GLYATL3: variants seen among roughly 807,000 people sequenced by gnomAD.
GLYATL3 encodes glycine-N-acyltransferase like 3, also known as glycine N-acyltransferase-like protein 3.
In GLYATL3, 31 loss-of-function variants were observed where a neutral mutation model predicts 28.5. The observed-to-expected ratio is 1.09, with a 90% CI of 0.82 to 1.47. The LOEUF (loss-of-function observed/expected upper bound fraction) is 1.47, where lower values mean the gene tolerates loss of function less well. Ranked by LOEUF, GLYATL3 falls within the 40% of genes most tolerant of loss-of-function variation. The probability of loss-of-function intolerance (pLI) is 0.00; values close to 1 mark genes in which losing one functional copy is unlikely to be tolerated. For synonymous variants in GLYATL3, 141 were observed against 140.2 expected, an observed-to-expected ratio of 1.01 and a Z score of -0.04; for missense variants, 369 against 351.5, an observed-to-expected ratio of 1.05 and a Z score of -0.40.
intron 1 of GLYATL3, among the ~76,000 whole-genome samples, chr6:49,502,756 A>G (rs973744822): frequency 3.3e-5 from 5 of 152,346 alleles, no homozygotes; most frequent in African/African-American, 9.6e-5. Context: ...AACAGCAATC[A>G]AACCATTATT....
At chr6:49,515,120 T>TTTTG (rs528571843) in intron 2 of GLYATL3, among the ~76,000 whole-genome samples, 2 of 151,998 alleles carry the variant, frequency 1.3e-5, no homozygotes, top group African/African-American at 2.4e-5. Flanking sequence ...AAAGTACAGT[T>TTTTG]TTTGTTTGTT....
At chr6:49,503,874 G>C (rs551014717) in intron 1 of GLYATL3, among the ~76,000 whole-genome samples, 7 of 152,262 alleles carry the variant, frequency 4.6e-5, no homozygotes, top group Admixed American at 3.3e-4. Flanking sequence ...GTGGGTCCCA[G>C]GCACAAAGGT....
At chr6:49,502,840 T>C (rs1768938583) in intron 1 of GLYATL3, among the ~76,000 whole-genome samples, 1 of 152,150 alleles carries the variant, frequency 6.6e-6, no homozygotes, top group Non-Finnish European at 1.5e-5. Flanking sequence ...ATAACATGGA[T>C]AGAAGGGGAA....
intron 1 of GLYATL3, among the ~76,000 whole-genome samples, chr6:49,502,359 A>G (rs1056444910): frequency 6.6e-6 from 1 of 152,214 alleles, no homozygotes; most frequent in Non-Finnish European, 1.5e-5. Context: ...CACTGGGTAA[A>G]GCAGTTAAGT....
chr6:49,519,645 T>C (rs1178182562), intron 4 of GLYATL3, among the ~76,000 whole-genome samples: 1 of 152,204 alleles, frequency 6.6e-6, no homozygotes, highest in Non-Finnish European at 1.5e-5. Context: ...TCACAGATAC[T>C]AGTTTGGCTA....
rs1769443353 is a variant in GLYATL3, at chr6:49,527,494, G to A, written c.*580G>A. ...TGCCCTGGGAATGTTCAAATATAGT[G>A]GTTCTTACATTTTAGTGTTTATCAG... On this transcript the variant is annotated 3_prime_UTR_variant, in exon 6 of 6. Coordinates refer to ENST00000371197, the MANE Select transcript of GLYATL3 (RefSeq NM_001010904.2). Among the ~76,000 whole-genome samples, 1 of 152,116 alleles carries A rather than the reference G, an allele frequency of 6.6e-6. No individual in the cohort carries two copies. The highest frequency in any genetic ancestry group is 2.4e-5 in the African/African-American group (1 of 41,420).
chr6:49,512,055 C>G lies in GLYATL3; in HGVS notation c.65C>G (p.Pro22Arg). Residue 22 changes from proline to arginine, a missense_variant, in exon 2 of 6, where the codon CCT becomes CGT. Transcript: ENST00000371197. ...ILEKMLKSCF[P>R]ESLKVYGAVM... ...GAGAAAATGTTGAAGAGTTGCTTTC[C>G]TGAATCACTCAAGGTACCATAAAAT... 1 of 1,350,314 alleles carries G rather than the reference C, an allele frequency of 7.4e-7. No homozygotes were observed. Among genetic ancestry groups the G allele is most frequent in the Non-Finnish European group, 1.0e-6 (1 of 965,268 alleles). The allele number at this position is 1,350,314 out of a possible 1,614,324, so 83.6% of individuals were successfully genotyped here.
rs1417095949 is a variant in GLYATL3 at position 49,515,759 on chromosome 6, AG to A, written c.186+1del. On this transcript the variant is annotated frameshift_variant and splice_region_variant, in exon 3 of 6. Transcript: ENST00000371197. LOFTEE classifies it high-confidence loss of function. The stretch of plus-strand genomic sequence containing the variant: ...GCTGTTATCACCCGACGACAAAGAG[AG>A]GTACAGTTTTGAAAGGTAAAAAGTT... ...FKAVITRRQR[E>X]AETDNLDHYT... is the part of the protein sequence containing the mutation. The A allele has an allele frequency of 3.3e-6, 5 of 1,523,478 alleles. No homozygotes were observed. The Admixed American group carries it at 5.9e-5, about 18-fold the overall frequency. The allele number at this position is 1,523,478 out of a possible 1,614,324, so 94.4% of individuals were successfully genotyped here. A position where few individuals can be genotyped will look rare whatever the true frequency, so the allele number is the denominator to read the frequency against.
chr6:49,503,174 G>C (rs192120165), intron 1 of GLYATL3, among the ~76,000 whole-genome samples: 144 of 150,248 alleles, frequency 9.6e-4, no homozygotes, highest in African/African-American at 3.4e-3. Context: ...AGCAAAGGGG[G>C]GGATATAAGT....
intron 5 of GLYATL3, among the ~76,000 whole-genome samples, chr6:49,525,458 T>C (rs1007295368): frequency 1.4e-5 from 2 of 146,926 alleles, no homozygotes; most frequent in African/African-American, 5.1e-5. Context: ...CACACGCACG[T>C]GAGGCTGAGA....
In GLYATL3 at chr6:49,527,099, T is replaced by G. The variant is rs994877720; in HGVS notation, c.*185T>G. 3.6e-6 allele frequency: 2 copies of G among 555,780 alleles called. No homozygotes were observed. Among genetic ancestry groups the G allele is most frequent in the Non-Finnish European group, 6.3e-6 (2 of 316,172 alleles). 34.4% of individuals were successfully genotyped at this position (555,780 alleles called of 1,614,324 possible). On this transcript the variant is annotated 3_prime_UTR_variant, in exon 6 of 6. Coordinates refer to ENST00000371197, the MANE Select transcript of GLYATL3 (RefSeq NM_001010904.2). The stretch of plus-strand genomic sequence containing the variant: ...TCGTATCTCAGGTTTCTCCAGTAAA[T>G]AGCTGTGGGGGTGAAGAGTAGCTGT...
In GLYATL3 at chr6:49,512,020, A is replaced by T; in HGVS notation, c.30A>T (p.Leu10Phe). 1 of 1,505,956 alleles carries T rather than the reference A, an allele frequency of 6.6e-7. No individual in the cohort carries two copies. The allele number at this position is 1,505,956 out of a possible 1,614,324, so 93.3% of individuals were successfully genotyped here. A position where few individuals can be genotyped will look rare whatever the true frequency, so the allele number is the denominator to read the frequency against. The change falls in exon 2 of 6, where the codon TTA becomes TTT. Residue 10 changes from leucine (L) to phenylalanine (F), a missense_variant. By Grantham distance (22) the Leu-to-Phe change is conservative. Coordinates refer to ENST00000371197, the MANE Select transcript of GLYATL3 (RefSeq NM_001010904.2). MLVLNCSTK[L>F]LILEKMLKSC... ...TGGTGCTAAACTGTTCTACCAAATT[A>T]CTGATACTGGAGAAAATGTTGAAGA...
intron 1 of GLYATL3, among the ~76,000 whole-genome samples, chr6:49,505,025 G>A (rs4562127): frequency 0.24 from 37,100 of 151,994 alleles, 5,220 homozygotes; most frequent in Middle Eastern, 0.37. Context: ...ACCTGACATC[G>A]AGAACAGTGT....
At chr6:49,524,119 G>T (rs1423483098) in intron 5 of GLYATL3, among the ~76,000 whole-genome samples, 1 of 151,992 alleles carries the variant, frequency 6.6e-6, no homozygotes, top group Non-Finnish European at 1.5e-5. Flanking sequence ...TTGGAAACAA[G>T]GTCAGAGTCT....
chr6:49,502,494 C>T (rs548325132), intron 1 of GLYATL3, among the ~76,000 whole-genome samples: 24 of 152,180 alleles, frequency 1.6e-4, no homozygotes, highest in Non-Finnish European at 7.3e-5. Context: ...TACATTGAAA[C>T]GGATTTATAG....
chr6:49,527,675 ATAGAAC>A lies in GLYATL3; in HGVS notation c.*766_*771del, dbSNP rs921907924. Among the ~76,000 whole-genome samples the A allele has an allele frequency of 2.0e-5, 3 of 152,196 alleles. No homozygotes were observed. Among genetic ancestry groups the A allele is most frequent in the African/African-American group, 7.2e-5 (3 of 41,442 alleles). On this transcript the variant is annotated 3_prime_UTR_variant, in exon 6 of 6. Coordinates refer to ENST00000371197, the MANE Select transcript of GLYATL3 (RefSeq NM_001010904.2). Reference sequence around the variant, plus strand: ...GATGCTATAAACAAATGCTGTCACCATAGAACTAGACTTTACCTATAACCTATTTCA... The same window carrying A: ...GATGCTATAAACAAATGCTGTCACCATAGACTTTACCTATAACCTATTTCA...
intron 4 of GLYATL3, among the ~76,000 whole-genome samples, chr6:49,520,991 G>T (rs565920242): frequency 2.6e-5 from 4 of 152,174 alleles, no homozygotes; most frequent in African/African-American, 4.8e-5. Context: ...ACTCTAACCT[G>T]GGCAAGAGAG....
chr6:49,526,731 G>T lies in GLYATL3; in HGVS notation c.684G>T (p.Arg228=). Residue 228 remains arginine (R), a synonymous_variant, in exon 6 of 6, where the codon CGG becomes CGT. Transcript: ENST00000371197. ...AACATCGCAGGAAAGGTTACAGCCGGCTGGTGGCCCTCACGCTGGCCAGGA... is the reference window on the plus strand; with the variant it reads ...AACATCGCAGGAAAGGTTACAGCCGTCTGGTGGCCCTCACGCTGGCCAGGA... ...LPEHRRKGYS[R]LVALTLARKL... is the part of the protein sequence containing the mutation. The T allele has an allele frequency of 1.3e-6, 2 of 1,551,780 alleles. No individual in the cohort carries two copies. Among genetic ancestry groups the T allele is most frequent in the Non-Finnish European group, 1.7e-6 (2 of 1,147,018 alleles).
chr6:49,523,080 G>A (rs898009029), intron 5 of GLYATL3, among the ~76,000 whole-genome samples: 2 of 151,938 alleles, frequency 1.3e-5, no homozygotes, highest in African/African-American at 4.8e-5. Context: ...TTGACATACA[G>A]GACTCAGCAA....
Sources: allele counts gnomAD v4.1 joint callset (sites outside exome capture counted in the v4.1 genomes callset), GRCh38; gene constraint gnomAD v4.1.1; transcripts MANE v1.5; gene names NCBI Gene and HGNC (gene_info 2026-07-23, HGNC 2026-07-21).